RBFOX1: variants seen among roughly 807,000 people sequenced by gnomAD.
The protein encoded by RBFOX1 is RNA binding protein fox-1 homolog 1.
In RBFOX1, 8 loss-of-function variants were observed where a neutral mutation model predicts 57.7. The ratio of observed to expected loss-of-function variants is 0.14; its 90% CI spans 0.08 to 0.25. RBFOX1 has a LOEUF of 0.25. RBFOX1 is among the 10% of genes least tolerant of loss of function. The pLI is 1.00. For synonymous variants in RBFOX1, 326 were observed against 222.4 expected, an observed-to-expected ratio of 1.47 and a Z score of -4.15; for missense variants, 611 against 548.5, an observed-to-expected ratio of 1.11 and a Z score of -1.14.
intron 2 of RBFOX1, among the ~76,000 whole-genome samples, chr16:6,442,797 T>C (rs960485806): frequency 1.3e-5 from 2 of 152,126 alleles, no homozygotes; most frequent in Non-Finnish European, 2.9e-5. Flanking sequence ...GGTCAAAACA[T>C]TTTGGGGAAT....
chr16:6,800,429 C>G (rs1448405150), intron 3 of RBFOX1, among the ~76,000 whole-genome samples: 1 of 151,994 alleles, frequency 6.6e-6, no homozygotes, highest in African/African-American at 2.4e-5. Context: ...ATAGGCATTG[C>G]CTGGGGATCT....
chr16:6,448,156 CTTTTTTT>C (rs397969435), intron 2 of RBFOX1, among the ~76,000 whole-genome samples: 1 of 78,460 alleles, frequency 1.3e-5, no homozygotes, highest in Non-Finnish European at 2.2e-5. Context: ...TCTTTTCTTT[CTTTTTTT>C]TTTTTTTTTT....
intron 1 of RBFOX1, among the ~76,000 whole-genome samples, chr16:6,183,856 G>A (rs992527734): frequency 1.3e-5 from 2 of 152,176 alleles, no homozygotes; most frequent in African/African-American, 4.8e-5. Flanking sequence ...GGCTTTGAAG[G>A]TCATAGTATG....
chr16:6,779,847 ATATTTATATATATT>A (rs1567209096), intron 3 of RBFOX1, among the ~76,000 whole-genome samples: 3 of 32,276 alleles, frequency 9.3e-5, no homozygotes, highest in East Asian at 6.8e-3. Context: ...ATTTATATAT[ATATTTATATATATT>A]TATATATTTA....
At chr16:6,440,131 T>C (rs2094345940) in intron 2 of RBFOX1, among the ~76,000 whole-genome samples, 1 of 151,884 alleles carries the variant, frequency 6.6e-6, no homozygotes, top group African/African-American at 2.4e-5. Flanking sequence ...GAGACGGGGC[T>C]TCACCATGTT....
At chr16:7,436,269 G>A (rs1019897358) in intron 4 of RBFOX1, among the ~76,000 whole-genome samples, 3 of 152,116 alleles carry the variant, frequency 2.0e-5, no homozygotes, top group Admixed American at 1.3e-4. Flanking sequence ...TTTCCTATGG[G>A]TGGATGTTTA....
intron 2 of RBFOX1, among the ~76,000 whole-genome samples, chr16:6,474,858 AG>A (rs1445846931): frequency 6.6e-6 from 1 of 152,214 alleles, no homozygotes; most frequent in Non-Finnish European, 1.5e-5. Flanking sequence ...CCCTGAGATA[AG>A]GCACAGAGAA....
chr16:6,840,527 A>G (rs2093399486), intron 3 of RBFOX1, among the ~76,000 whole-genome samples: 1 of 152,150 alleles, frequency 6.6e-6, no homozygotes, highest in Non-Finnish European at 1.5e-5. Flanking sequence ...TAGTATTAGA[A>G]AATGGGATCT....
chr16:7,461,083 A>G (rs546692701), intron 4 of RBFOX1, among the ~76,000 whole-genome samples: 1 of 152,334 alleles, frequency 6.6e-6, no homozygotes, highest in Admixed American at 6.5e-5. Context: ...TTAGCTAAGA[A>G]TAACTGATAC....
intron 1 of RBFOX1, among the ~76,000 whole-genome samples, chr16:6,056,268 G>C (rs937946038): frequency 1.3e-5 from 2 of 152,054 alleles, no homozygotes; most frequent in African/African-American, 4.8e-5. Flanking sequence ...ATAAAGCAAG[G>C]AAATTTGACA....
At chr16:6,153,520 C>G (rs1408468602) in intron 1 of RBFOX1, among the ~76,000 whole-genome samples, 1 of 152,042 alleles carries the variant, frequency 6.6e-6, no homozygotes, top group Non-Finnish European at 1.5e-5. Flanking sequence ...CTCCAAGTTC[C>G]CAAAGTCCAT....
intron 12 of RBFOX1, among the ~76,000 whole-genome samples, chr16:7,654,707 G>A (rs1160667203): frequency 6.6e-6 from 1 of 152,100 alleles, no homozygotes. Context: ...CTCTTTTAAG[G>A]CTCCTGCTAG....
intron 4 of RBFOX1, among the ~76,000 whole-genome samples, chr16:5,869,038 G>A (rs779998260): frequency 2.0e-5 from 3 of 152,200 alleles, no homozygotes; most frequent in Non-Finnish European, 2.9e-5. Context: ...CTGGGACTTA[G>A]AAAGGCTGAG....
chr16:6,969,730 C>A (rs1033127919), intron 3 of RBFOX1, among the ~76,000 whole-genome samples: 2 of 151,972 alleles, frequency 1.3e-5, no homozygotes, highest in Non-Finnish European at 2.9e-5. Context: ...GGTGACAGAG[C>A]CAGACCCTGT....
chr16:6,333,886 A>T (rs1042896324), intron 2 of RBFOX1, among the ~76,000 whole-genome samples: 1 of 152,340 alleles, frequency 6.6e-6, no homozygotes, highest in East Asian at 1.9e-4. Context: ...AGTTGAAGAA[A>T]TCAAAAGAAA....
intron 2 of RBFOX1, among the ~76,000 whole-genome samples, chr16:5,542,964 C>T (rs983896932): frequency 6.6e-6 from 1 of 152,148 alleles, no homozygotes; most frequent in African/African-American, 2.4e-5. Context: ...TGCCAACTTC[C>T]ACCAGCCAGA....
chr16:5,631,092 G>A (rs1375987547), intron 3 of RBFOX1, among the ~76,000 whole-genome samples: 1 of 152,152 alleles, frequency 6.6e-6, no homozygotes, highest in Non-Finnish European at 1.5e-5. Context: ...GCACTCAGAG[G>A]TGCTGCATCT....
intron 3 of RBFOX1, among the ~76,000 whole-genome samples, chr16:6,826,043 G>T (rs372590461): frequency 1.3e-5 from 2 of 152,088 alleles, no homozygotes; most frequent in South Asian, 4.1e-4. Flanking sequence ...GTGCAGAGGT[G>T]GTCCACGTTC....
chr16:7,432,880 A>G (rs939474842), intron 4 of RBFOX1, among the ~76,000 whole-genome samples: 2 of 152,182 alleles, frequency 1.3e-5, no homozygotes, highest in African/African-American at 2.4e-5. Flanking sequence ...TTTTCAGGCC[A>G]TCATAACACA....
Sources: allele counts gnomAD v4.1 joint callset (sites outside exome capture counted in the v4.1 genomes callset), GRCh38; gene constraint gnomAD v4.1.1; transcripts MANE v1.5; gene names NCBI Gene and HGNC (gene_info 2026-07-23, HGNC 2026-07-21).